The following XKR6 variants were observed in gnomAD, a reference collection of about 807,000 sequenced individuals.
XKR6 encodes XK related 6.
Under a neutral mutation model 56.7 loss-of-function variants are expected in XKR6, and 22 were observed. That is an observed-to-expected ratio of 0.39 (90% CI 0.28 to 0.55). The LOEUF is 0.55. XKR6 is among the 20% of genes least tolerant of loss of function. The pLI, the probability that XKR6 is intolerant of heterozygous loss-of-function variation, is 0.66. For synonymous variants in XKR6, 524 were observed against 387.8 expected (o/e 1.35, Z -4.13); for missense variants, 852 against 889.0 (o/e 0.96, Z 0.53).
intron 1 of XKR6, among the ~76,000 whole-genome samples, chr8:11,067,701 G>A (rs1256294013): frequency 2.0e-5 from 3 of 152,190 alleles, no homozygotes; most frequent in Non-Finnish European, 2.9e-5. Context: ...TCTTCTTTCC[G>A]GGCCCCCTCC....
chr8:11,019,786 G>C (rs1006413575), intron 1 of XKR6, among the ~76,000 whole-genome samples: 1 of 152,226 alleles, frequency 6.6e-6, no homozygotes, highest in African/African-American at 2.4e-5. Flanking sequence ...AAAAGTAGGA[G>C]CATTGATCAG....
At chr8:10,900,746 G>A (rs1219766162) in intron 2 of XKR6, among the ~76,000 whole-genome samples, 1 of 152,144 alleles carries the variant, frequency 6.6e-6, no homozygotes, top group East Asian at 1.9e-4. Flanking sequence ...TGGTTGGTCA[G>A]GGAACCTTTT....
At chr8:11,156,514 A>C (rs1021142907) in intron 1 of XKR6, among the ~76,000 whole-genome samples, 2 of 152,214 alleles carry the variant, frequency 1.3e-5, no homozygotes, top group African/African-American at 4.8e-5. Context: ...TGCAGGCAGT[A>C]TTTTGTGTAT....
intron 1 of XKR6, among the ~76,000 whole-genome samples, chr8:11,091,438 A>G (rs1457228494): frequency 6.6e-6 from 1 of 151,598 alleles, no homozygotes; most frequent in Admixed American, 6.6e-5. Context: ...CCCTGACTCA[A>G]ATAAATAAAT....
In XKR6 at chr8:11,165,103, T is replaced by A. The variant is rs866695761; in HGVS notation, c.764+35473A>T. Among the ~76,000 whole-genome samples, 26 of 140,858 alleles carry A rather than the reference T, an allele frequency of 1.8e-4. No individual in the cohort carries two copies. In the South Asian group the frequency reaches 5.6e-3, roughly 30 times the overall value. The allele number at this position is 140,858 out of a possible 152,430, so 92.4% of individuals were successfully genotyped here. On this transcript the variant is annotated intron_variant, in intron 1 of 2. Coordinates refer to ENST00000416569, the MANE Select transcript of XKR6 (RefSeq NM_173683.4). ...CTAGGCTATCACCTTTTTTTTTTTTTTTTTTTTTTTTTTTGAGACAGAGTG... is the reference window on the plus strand; with the variant it reads ...CTAGGCTATCACCTTTTTTTTTTTTATTTTTTTTTTTTTTGAGACAGAGTG...
At chr8:10,912,687 G>GTATATGAGTGTA (rs1800435075) in intron 2 of XKR6, among the ~76,000 whole-genome samples, 1 of 132,762 alleles carries the variant, frequency 7.5e-6, no homozygotes, top group Non-Finnish European at 1.6e-5. Context: ...GAGGGTGAGT[G>GTATATGAGTGTA]TATATATATA....
chr8:10,963,099 C>T (rs114986503), intron 1 of XKR6, among the ~76,000 whole-genome samples: 1 of 152,254 alleles, frequency 6.6e-6, no homozygotes, highest in Admixed American at 6.5e-5. Flanking sequence ...GCACATCCCG[C>T]TTCTCCTCTC....
At chr8:11,159,578 C>G (rs1801692962) in intron 1 of XKR6, among the ~76,000 whole-genome samples, 1 of 152,212 alleles carries the variant, frequency 6.6e-6, no homozygotes, top group Non-Finnish European at 1.5e-5. Flanking sequence ...CAATCAGGAA[C>G]TTGTGAAAAA....
chr8:11,105,622 C>T (rs1798648384), intron 1 of XKR6: 1 of 152,192 alleles, frequency 6.6e-6, no homozygotes. Context: ...CGATCTTCTT[C>T]TTCATTTCCT....
chr8:11,141,261 G>C (rs538764149), intron 1 of XKR6, among the ~76,000 whole-genome samples: 2 of 152,128 alleles, frequency 1.3e-5, no homozygotes, highest in African/African-American at 2.4e-5. Context: ...CTATCATCAC[G>C]TGTTATGCAC....
At chr8:11,141,825 T>C (rs1282748166) in intron 1 of XKR6, among the ~76,000 whole-genome samples, 1 of 152,122 alleles carries the variant, frequency 6.6e-6, no homozygotes, top group Non-Finnish European at 1.5e-5. Flanking sequence ...CAATCTATGC[T>C]ACTAGAAGGT....
chr8:11,071,562 C>G (rs1015904906), intron 1 of XKR6, among the ~76,000 whole-genome samples: 1 of 147,898 alleles, frequency 6.8e-6, no homozygotes, highest in African/African-American at 2.5e-5. Flanking sequence ...AGTCCATGAG[C>G]CCCGAGTCCA....
chr8:11,195,003 T>C, intron 1 of XKR6: 2 of 586,950 alleles, frequency 3.4e-6, no homozygotes, highest in Non-Finnish European at 6.0e-6. Flanking sequence ...TACTGTTCAC[T>C]CAAAAACAAG....
At chr8:11,178,550 AT>A (rs1563197753) in intron 1 of XKR6, among the ~76,000 whole-genome samples, 6 of 95,440 alleles carry the variant, frequency 6.3e-5, no homozygotes, top group African/African-American at 2.3e-4. Context: ...AGGTAAAAAT[AT>A]ATATATATAT....
At chr8:10,981,990 T>C (rs1455978867) in intron 1 of XKR6, among the ~76,000 whole-genome samples, 1 of 152,252 alleles carries the variant, frequency 6.6e-6, no homozygotes, top group Non-Finnish European at 1.5e-5. Flanking sequence ...ACAAGGCTCA[T>C]GCCATTCAAA....
intron 1 of XKR6, among the ~76,000 whole-genome samples, chr8:11,173,621 C>G (rs6980506): frequency 0.046 from 6,933 of 152,144 alleles, 225 homozygotes; most frequent in South Asian, 0.085. Context: ...GTGAGTGACA[C>G]ACATGCACAG....
In XKR6 at chr8:10,984,724, CTCTCTCTCTA is replaced by C. The variant is rs1432951337; in HGVS notation, c.765-59904_765-59895del. On this transcript the variant is annotated intron_variant, in intron 1 of 2. Transcript: ENST00000416569. ...TCTCTCTCTCTCTCTCTCTCTCTCTCTCTCTCTCTATATATATATATATATATATATATTT... is the reference window on the plus strand; with the variant it reads ...TCTCTCTCTCTCTCTCTCTCTCTCTCTATATATATATATATATATATATTT... Among the ~76,000 whole-genome samples the C allele has an allele frequency of 1.6e-3, 122 of 74,892 alleles. 1 individual carries two copies. The highest frequency in any genetic ancestry group is 5.1e-3 in the African/African-American group (82 of 16,094). 49.1% of individuals were successfully genotyped at this position (74,892 alleles called of 152,430 possible). A position where few individuals can be genotyped will look rare whatever the true frequency, so the allele number is the denominator to read the frequency against.
At chr8:10,945,585 G>T (rs1316066822) in intron 1 of XKR6, among the ~76,000 whole-genome samples, 1 of 152,180 alleles carries the variant, frequency 6.6e-6, no homozygotes, top group African/African-American at 2.4e-5. Flanking sequence ...CTCCCAGAAG[G>T]ACAGAGACCA....
intron 1 of XKR6, among the ~76,000 whole-genome samples, chr8:11,065,309 T>C (rs918815892): frequency 2.0e-5 from 3 of 152,260 alleles, no homozygotes; most frequent in African/African-American, 4.8e-5. Flanking sequence ...AGTTGTCTTA[T>C]GGATCTTGTC....
Sources: allele counts gnomAD v4.1 joint callset (sites outside exome capture counted in the v4.1 genomes callset), GRCh38; gene constraint gnomAD v4.1.1; transcripts MANE v1.5; gene names NCBI Gene and HGNC (gene_info 2026-07-23, HGNC 2026-07-21).